Variants in PARD3B observed in about 807,000 individuals in gnomAD.
PARD3B encodes the protein partitioning defective 3 homolog B.
A neutral mutation model predicts 130.2 loss-of-function variants in PARD3B; 103 were observed. The observed-to-expected ratio is 0.79, with a 90% confidence interval of 0.67 to 0.93. The LOEUF (loss-of-function observed/expected upper bound fraction) is 0.93, where lower values mean the gene tolerates loss of function less well. Ranked by LOEUF, PARD3B falls within the 40% of genes least tolerant of loss-of-function variation. The pLI, the probability that PARD3B is intolerant of heterozygous loss-of-function variation, is 0.00. For synonymous variants in PARD3B, 583 were observed against 553.2 expected, an observed-to-expected ratio of 1.05 and a Z score of -0.76; for missense variants, 1,609 against 1,499.2, an observed-to-expected ratio of 1.07 and a Z score of -1.21.
At chr2:204,752,631 C>A (rs1209048383) in intron 2 of PARD3B, among the ~76,000 whole-genome samples, 4 of 152,118 alleles carry the variant, frequency 2.6e-5, no homozygotes, top group African/African-American at 7.2e-5. Flanking sequence ...CTAGGAACAA[C>A]TACTACTTTA....
At chr2:205,493,645 G>A (rs547779606) in intron 20 of PARD3B, among the ~76,000 whole-genome samples, 46 of 152,118 alleles carry the variant, frequency 3.0e-4, no homozygotes, top group Non-Finnish European at 1.5e-4. Context: ...CAGAGAGTTC[G>A]TAAGGATTAT....
At chr2:205,443,528 T>G (rs2106169997) in intron 20 of PARD3B, among the ~76,000 whole-genome samples, 1 of 152,308 alleles carries the variant, frequency 6.6e-6, no homozygotes, top group Middle Eastern at 3.4e-3. Flanking sequence ...AGTTTTTCCT[T>G]TCTAACTCTG....
chr2:205,037,544 T>C (rs1559377073), intron 3 of PARD3B, among the ~76,000 whole-genome samples: 1 of 147,952 alleles, frequency 6.8e-6, no homozygotes, highest in Non-Finnish European at 1.5e-5. Flanking sequence ...GTACTATACA[T>C]ATGTAAAATA....
chr2:204,651,811 C>A (rs2035487952), intron 1 of PARD3B, among the ~76,000 whole-genome samples: 2 of 152,228 alleles, frequency 1.3e-5, no homozygotes, highest in African/African-American at 4.8e-5. Context: ...TAGGCAGAGG[C>A]TCCCAAAGCT....
At chr2:205,052,423 A>ATATATATATATATATATATATG (rs1247325939) in intron 4 of PARD3B, among the ~76,000 whole-genome samples, 195 of 13,304 alleles carry the variant, frequency 0.015, no homozygotes, top group Non-Finnish European at 0.025. Context: ...ATATATGTAT[A>ATATATATATATATATATATATG]TATATATATA....
intron 2 of PARD3B, among the ~76,000 whole-genome samples, chr2:204,694,646 T>A (rs897525086): frequency 5.3e-5 from 8 of 152,068 alleles, no homozygotes; most frequent in African/African-American, 1.9e-4. Flanking sequence ...AGAGAAGAAT[T>A]TTGGAATCAA....
chr2:205,523,815 C>CTT (rs11307073), intron 21 of PARD3B, among the ~76,000 whole-genome samples: 448 of 121,424 alleles, frequency 3.7e-3, no homozygotes, highest in African/African-American at 7.2e-3. Flanking sequence ...CTCTGATAAC[C>CTT]TTTTTTTTTT....
intron 10 of PARD3B, among the ~76,000 whole-genome samples, chr2:205,129,736 C>T (rs563114221): frequency 6.6e-6 from 1 of 152,312 alleles, no homozygotes; most frequent in Admixed American, 6.5e-5. Context: ...TCCTTACTTC[C>T]TTGTTATCGT....
In PARD3B at chr2:205,301,641, A is replaced by C; in HGVS notation, c.2570A>C (p.Lys857Thr). 1 of 1,613,562 alleles carries C rather than the reference A, an allele frequency of 6.2e-7. No individual in the cohort carries two copies. Among genetic ancestry groups the C allele is most frequent in the Non-Finnish European group, 8.5e-7 (1 of 1,179,604 alleles). The change falls in exon 18 of 23, where the codon AAA becomes ACA. Residue 857 changes from lysine (K) to threonine (T), a missense_variant. By Grantham distance (78) the Lys-to-Thr change is moderately conservative. Coordinates refer to ENST00000406610, the MANE Select transcript of PARD3B (RefSeq NM_001302769.2). The surrounding 1 kb of genome is among the most constrained non-coding windows in gnomAD (Gnocchi z 5.2). ...TTGAAAGTCAAGGAGAAAAAGCGCA[A>C]AGAGGAGAATGAAGATCCAGAAAGG... ...GKLKVKEKKRKEENEDPERKI... is the reference protein window; with the variant it reads ...GKLKVKEKKRTEENEDPERKI...
chr2:204,874,540 A>C (rs1186051074), intron 2 of PARD3B, among the ~76,000 whole-genome samples: 3 of 152,190 alleles, frequency 2.0e-5, no homozygotes, highest in African/African-American at 7.2e-5. Flanking sequence ...TATCCAGTAC[A>C]TATGGATATA....
rs2046373749 is a variant in PARD3B at position 205,405,070 on chromosome 2, T to C, written c.2741+3947T>C. 6.6e-6 allele frequency among the ~76,000 whole-genome samples: 1 copy of C among 152,152 alleles called. No individual in the cohort carries two copies. Among genetic ancestry groups the C allele is most frequent in the African/African-American group, 2.4e-5 (1 of 41,434 alleles). Reference sequence around the variant, plus strand: ...ATATCTAATTCCTGATCCGAAACCATTTTGCTGCTATATATGGATAGTTTA... The same window carrying C: ...ATATCTAATTCCTGATCCGAAACCACTTTGCTGCTATATATGGATAGTTTA... On this transcript the variant is annotated intron_variant, in intron 19 of 22. Transcript: ENST00000406610. The surrounding 1 kb of genome is among the most constrained non-coding windows in gnomAD (Gnocchi z 4.1).
At chr2:204,856,185 T>C (rs2044930283) in intron 2 of PARD3B, among the ~76,000 whole-genome samples, 1 of 152,148 alleles carries the variant, frequency 6.6e-6, no homozygotes, top group Non-Finnish European at 1.5e-5. Context: ...AAGGTTGCCT[T>C]TCCTCCATAT....
At chr2:204,977,760 C>T (rs1469369895) in intron 3 of PARD3B, among the ~76,000 whole-genome samples, 2 of 135,648 alleles carry the variant, frequency 1.5e-5, no homozygotes, top group East Asian at 4.3e-4. Flanking sequence ...TGCAGTGAGC[C>T]GAGATGGCGC....
chr2:205,171,548 C>T (rs2035173535), intron 11 of PARD3B, among the ~76,000 whole-genome samples: 1 of 152,216 alleles, frequency 6.6e-6, no homozygotes, highest in Non-Finnish European at 1.5e-5. Context: ...TGAAAGTACT[C>T]ATTCATCAGA....
At chr2:204,753,965 A>G (rs188603422) in intron 2 of PARD3B, among the ~76,000 whole-genome samples, 37 of 152,308 alleles carry the variant, frequency 2.4e-4, no homozygotes, top group South Asian at 1.7e-3. Flanking sequence ...GAATATATCC[A>G]AAGGTCAGGA....
chr2:204,798,016 T>C (rs987155169), intron 2 of PARD3B, among the ~76,000 whole-genome samples: 1 of 152,216 alleles, frequency 6.6e-6, no homozygotes, highest in Non-Finnish European at 1.5e-5. Flanking sequence ...CCTTCAGCAA[T>C]TGTCCTCCCT....
intron 15 of PARD3B, among the ~76,000 whole-genome samples, chr2:205,206,756 G>A (rs1182138208): frequency 6.6e-6 from 1 of 152,010 alleles, no homozygotes; most frequent in Non-Finnish European, 1.5e-5. Flanking sequence ...TGGGTCAAAT[G>A]GTATAATAAT....
chr2:205,379,594 G>A (rs2105930371), intron 18 of PARD3B, among the ~76,000 whole-genome samples: 1 of 151,998 alleles, frequency 6.6e-6, no homozygotes, highest in East Asian at 1.9e-4. Context: ...AATGACTTCT[G>A]TATTACCCAC....
intron 2 of PARD3B, among the ~76,000 whole-genome samples, chr2:204,802,228 A>G (rs1210776828): frequency 6.6e-6 from 1 of 152,220 alleles, no homozygotes; most frequent in Non-Finnish European, 1.5e-5. Flanking sequence ...TGGCCAATAA[A>G]CATATGAACA....
Sources: allele counts gnomAD v4.1 joint callset (sites outside exome capture counted in the v4.1 genomes callset), GRCh38; gene constraint gnomAD v4.1.1; non-coding constraint Gnocchi (gnomAD v3.1); transcripts MANE v1.5; gene names NCBI Gene and HGNC (gene_info 2026-07-23, HGNC 2026-07-21).